The following CHD3 variants were observed in gnomAD, a reference collection of about 807,000 sequenced individuals.
CHD3 encodes chromodomain helicase DNA binding protein 3, also known as ATP-dependent chromatin remodeler CHD3.
A neutral mutation model predicts 248.9 loss-of-function variants in CHD3; 52 were observed. That is an observed-to-expected ratio of 0.21 (90% CI 0.17 to 0.26). The LOEUF (loss-of-function observed/expected upper bound fraction) is 0.26. Among genes scored for constraint, CHD3 ranks in the 10% least tolerant of loss-of-function variants. CHD3 has a pLI of 1.00. For synonymous variants in CHD3, 985 were observed against 985.2 expected (o/e 1.00, Z 0.00); for missense variants, 1,482 against 2,605.8 (o/e 0.57, Z 9.39).
chr17:7,903,922 C>T lies in CHD3; in HGVS notation c.3825C>T (p.Asp1275=), dbSNP rs61744840. 16,741 of 1,614,156 alleles carry T rather than the reference C, an allele frequency of 0.01. 115 individuals carry two copies. Among genetic ancestry groups the T allele is most frequent in the Non-Finnish European group, 0.012 (14,696 of 1,180,010 alleles). ...ACCAGGATGCAACTGAGGACACTGA[C>T]GTGCAGAACATGAATGAGTATCTCA... The part of the protein sequence containing the change: ...DRNQDATEDT[D]VQNMNEYLSS... The change falls in exon 24 of 40, where the codon GAC becomes GAT. Residue 1275 remains aspartate, a synonymous_variant. Coordinates refer to ENST00000330494, the MANE Select transcript of CHD3 (RefSeq NM_001005273.3). The surrounding 1 kb of genome is among the most constrained non-coding windows in gnomAD (Gnocchi z 6.8).
Position 7,908,558 on chromosome 17 carries a change from C to CAAA in CHD3, c.5261+58_5261+60dup. ...GAAGGAAAAGGTTCTCTCAAGCTGG[C>CAAA]AAAAAAAAAAAAGATGATTTCACAC... On this transcript the variant is annotated intron_variant, in intron 35 of 39. Coordinates refer to ENST00000330494, the MANE Select transcript of CHD3 (RefSeq NM_001005273.3). The surrounding 1 kb of genome is among the most constrained non-coding windows in gnomAD (Gnocchi z 5.8). The CAAA allele has an allele frequency of 6.2e-6, 8 of 1,294,570 alleles. No homozygotes were observed. Among genetic ancestry groups the CAAA allele is most frequent in the Non-Finnish European group, 8.5e-6 (8 of 937,506 alleles). The allele number at this position is 1,294,570 out of a possible 1,614,324, so 80.2% of individuals were successfully genotyped here.
Position 7,907,673 on chromosome 17 carries a change from A to AG in CHD3, c.5002dup (p.Glu1668GlyfsTer14). The AG allele has an allele frequency of 6.5e-7, 1 of 1,533,920 alleles. No individual in the cohort carries two copies. Among genetic ancestry groups the AG allele is most frequent in the Non-Finnish European group, 8.7e-7 (1 of 1,147,024 alleles). ...GGACAGGAACACAGGGAGAGGCCGG[A>AG]GGGGGAAACAGGGGATTTGGGCAAG... On this transcript the variant is annotated frameshift_variant, in exon 33 of 40. Coordinates refer to ENST00000330494, the MANE Select transcript of CHD3 (RefSeq NM_001005273.3). LOFTEE classifies it high-confidence loss of function. The surrounding 1 kb of genome is among the most constrained non-coding windows in gnomAD (Gnocchi z 4.3).
intron 19 of CHD3, 99 bp from the exon 20 acceptor site, chr17:7,901,145 T>G: frequency 5.9e-6 from 9 of 1,521,192 alleles, no homozygotes; most frequent in Non-Finnish European, 8.0e-6. Context: ...TGGGAACATG[T>G]GGAAGCTGGA....
rs542537223 is a variant in CHD3, at chr17:7,898,952, C to CT, written c.2152-58dup. On this transcript the variant is annotated intron_variant, in intron 13 of 39. Coordinates refer to ENST00000330494, the MANE Select transcript of CHD3 (RefSeq NM_001005273.3). ...GGTATCCATGCCAGGGAGGAAGAGA[C>CT]TAAGACTGGAGGAGCCGCCGACTAT... 1,027 of 1,463,070 alleles carry CT rather than the reference C, an allele frequency of 7.0e-4. 5 individuals are homozygous for CT. The highest frequency in any genetic ancestry group is 6.6e-5 in the Non-Finnish European group (69 of 1,045,788). The allele number at this position is 1,463,070 out of a possible 1,614,324, so 90.6% of individuals were successfully genotyped here. A position where few individuals can be genotyped will look rare whatever the true frequency, so the allele number is the denominator to read the frequency against.
In CHD3 at chr17:7,910,110, G is replaced by T. The variant is rs534049500; in HGVS notation, c.5591-318G>T. On this transcript the variant is annotated intron_variant, in intron 37 of 39. Coordinates refer to ENST00000330494, the MANE Select transcript of CHD3 (RefSeq NM_001005273.3). The surrounding 1 kb of genome is among the most constrained non-coding windows in gnomAD (Gnocchi z 4.7). ...GTATGAGATGTTCTGACAACTCCCC[G>T]CCCCCATGTCTTCCAATGTCCCCCC... is the stretch of plus-strand genomic sequence containing the variant. 17 of 202,022 alleles carry T rather than the reference G, an allele frequency of 8.4e-5. No individual in the cohort carries two copies. Among genetic ancestry groups the T allele is most frequent in the South Asian group, 3.7e-4 (4 of 10,952 alleles). 12.5% of individuals were successfully genotyped at this position (202,022 alleles called of 1,614,324 possible). A position where few individuals can be genotyped will look rare whatever the true frequency, so the allele number is the denominator to read the frequency against.
At position 7,908,532 on chromosome 17, in the gene CHD3, A is replaced by G; in HGVS notation, c.5261+22A>G. 1 of 1,601,916 alleles carries G rather than the reference A, an allele frequency of 6.2e-7. No homozygotes were observed. The highest frequency in any genetic ancestry group is 8.5e-7 in the Non-Finnish European group (1 of 1,169,948). ...TCCTGTATCCTTTGATACACATGCA[A>G]GAAGGAAAAGGTTCTCTCAAGCTGG... On this transcript the variant is annotated intron_variant, in intron 35 of 39. Coordinates refer to ENST00000330494, the MANE Select transcript of CHD3 (RefSeq NM_001005273.3). This position sits in a 1 kb window ranked among gnomAD's most constrained non-coding sequence, Gnocchi z 5.8.
chr17:7,885,153 C>T, upstream of CHD3: 6 of 981,044 alleles, frequency 6.1e-6, no homozygotes, highest in Non-Finnish European at 6.0e-6. Context: ...CGGGCGGGGG[C>T]GAGGCACCCA....
chr17:7,895,720 TTTC>T lies in CHD3; in HGVS notation c.1707+180_1707+182del, dbSNP rs1969547087. Among the ~76,000 whole-genome samples the T allele has an allele frequency of 6.6e-6, 1 of 152,234 alleles. No individual in the cohort carries two copies. Among genetic ancestry groups the T allele is most frequent in the Non-Finnish European group, 1.5e-5 (1 of 68,042 alleles). On this transcript the variant is annotated intron_variant, in intron 10 of 39. Coordinates refer to ENST00000330494, the MANE Select transcript of CHD3 (RefSeq NM_001005273.3). The surrounding 1 kb of genome is among the most constrained non-coding windows in gnomAD (Gnocchi z 4.9). ...GTGGTTCTTTTGGTCTACAGTCCTC[TTTC>T]TCTCAGTCTCCGTTAGCTTCCTTCC... is the stretch of plus-strand genomic sequence containing the variant.
chr17:7,886,146 G>A (rs1453531919), upstream of CHD3, among the ~76,000 whole-genome samples: 1 of 152,222 alleles, frequency 6.6e-6, no homozygotes, highest in East Asian at 1.9e-4. This position sits in a 1 kb window ranked among gnomAD's most constrained non-coding sequence, Gnocchi z 4.2. Context: ...ACGTTGGGGG[G>A]CGTGAACTGC....
rs1409595554 is a variant in CHD3, at chr17:7,899,449, C to T, written c.2450C>T (p.Thr817Met). 3.7e-6 allele frequency: 6 copies of T among 1,614,088 alleles called. No homozygotes were observed. Among genetic ancestry groups the T allele is most frequent in the Non-Finnish European group, 4.2e-6 (5 of 1,180,008 alleles). The change falls in exon 15 of 40, where the codon ACG (threonine) becomes ATG (methionine). Residue 817 changes from threonine (T) to methionine (M), a missense_variant. By Grantham distance (81) the Thr-to-Met change is moderately conservative (BLOSUM62 -1). Around this residue, in one of 20 missense-constraint regions of CHD3, gnomAD observed 49 missense variants for 93.8 expected, o/e 0.52. Transcript: ENST00000330494. The surrounding 1 kb of genome is among the most constrained non-coding windows in gnomAD (Gnocchi z 6.8). ...CCCAAATTCTATGTGGTGACATACA[C>T]GGGTGACAAGGACAGCCGGGCCATC... ...WAPKFYVVTYTGDKDSRAIIR... is the reference protein window; with the variant it reads ...WAPKFYVVTYMGDKDSRAIIR...
chr17:7,895,982 T>C lies in CHD3; in HGVS notation c.1707+440T>C, dbSNP rs1969585243. Among the ~76,000 whole-genome samples the C allele has an allele frequency of 6.6e-6, 1 of 151,932 alleles. No homozygotes were observed. The highest frequency in any genetic ancestry group is 2.1e-4 in the South Asian group (1 of 4,808). On this transcript the variant is annotated intron_variant, in intron 10 of 39. Transcript: ENST00000330494. The surrounding 1 kb of genome is among the most constrained non-coding windows in gnomAD (Gnocchi z 4.9). ...GGCTCACGCCTGTAATCCCAGTACT[T>C]TGGGAGGCCGAGGTGGGCGGATCAC...
At chr17:7,887,061 C>T (rs1389355244), upstream of CHD3, among the ~76,000 whole-genome samples, 1 of 152,086 alleles carries the variant, frequency 6.6e-6, no homozygotes, top group African/African-American at 2.4e-5. Flanking sequence ...CCAGATACAC[C>T]CCCTCAGATG....
In CHD3 at chr17:7,908,890, A is replaced by G; in HGVS notation, c.5394+61A>G. On this transcript the variant is annotated intron_variant, in intron 36 of 39. Coordinates refer to ENST00000330494, the MANE Select transcript of CHD3 (RefSeq NM_001005273.3). This position sits in a 1 kb window ranked among gnomAD's most constrained non-coding sequence, Gnocchi z 5.8. ...GGGCTTGGGTCAGAAGTGAGACCAG[A>G]TCTAGTTGGAACCTAGGGAAGGTTA... is the stretch of plus-strand genomic sequence containing the variant. 4 of 1,606,624 alleles carry G rather than the reference A, an allele frequency of 2.5e-6. 1 individual carries two copies. The South Asian group carries it at 4.4e-5, about 18-fold the overall frequency.
chr17:7,904,909 G>A lies in CHD3; in HGVS notation c.4073-191G>A, dbSNP rs570033110. ...GGGGCCCAGAGACTGAAGGTGGGCG[G>A]TGAATGGAGATGGTGTAGGATATGC... On this transcript the variant is annotated intron_variant, in intron 25 of 39. Transcript: ENST00000330494. This position sits in a 1 kb window ranked among gnomAD's most constrained non-coding sequence, Gnocchi z 4.4. Among the ~76,000 whole-genome samples the A allele has an allele frequency of 2.0e-5, 3 of 152,204 alleles. No homozygotes were observed. Among genetic ancestry groups the A allele is most frequent in the Admixed American group, 6.5e-5 (1 of 15,276 alleles).
Position 7,906,970 on chromosome 17 carries a change from C to T in CHD3, c.4605C>T (p.Thr1535=), listed in dbSNP as rs1157319860. Residue 1535 remains threonine (T), a synonymous_variant, in exon 30 of 40, where the codon ACC becomes ACT. Transcript: ENST00000330494. The surrounding 1 kb of genome is among the most constrained non-coding windows in gnomAD (Gnocchi z 5.0). The part of the protein sequence containing the change: ...SKRSSRASSP[T]KTSPTTPEAS... ...GCTCCTCCAGAGCCTCCTCTCCTAC[C>T]AAAACGTCTCCCACCACTCCTGAGG... 1 of 1,614,166 alleles carries T rather than the reference C, an allele frequency of 6.2e-7. No homozygotes were observed. Among genetic ancestry groups the T allele is most frequent in the Non-Finnish European group, 8.5e-7 (1 of 1,180,026 alleles).
chr17:7,911,800 G>A lies in CHD3; in HGVS notation c.*215G>A. 1 of 1,423,070 alleles carries A rather than the reference G, an allele frequency of 7.0e-7. No individual in the cohort carries two copies. Among genetic ancestry groups the A allele is most frequent in the Admixed American group, 2.4e-5 (1 of 42,102 alleles). 88.2% of individuals were successfully genotyped at this position (1,423,070 alleles called of 1,614,324 possible). ...CCTTTCCCACCAAGCCTTGAAGACT[G>A]TGCTGGTGAGAAGAAGTCTGGGTGG... is the stretch of plus-strand genomic sequence containing the variant. On this transcript the variant is annotated 3_prime_UTR_variant, in exon 40 of 40. Coordinates refer to ENST00000330494, the MANE Select transcript of CHD3 (RefSeq NM_001005273.3). The surrounding 1 kb of genome is among the most constrained non-coding windows in gnomAD (Gnocchi z 5.4).
chr17:7,905,986 TTAAG>T lies in CHD3; in HGVS notation c.4357_4358+2del, dbSNP rs1970877175. On this transcript the variant is annotated splice_donor_variant and coding_sequence_variant, in exon 28 of 40. Coordinates refer to ENST00000330494, the MANE Select transcript of CHD3 (RefSeq NM_001005273.3). LOFTEE classifies it high-confidence loss of function. The surrounding 1 kb of genome is among the most constrained non-coding windows in gnomAD (Gnocchi z 5.8). ...CTGAGGGGCAAGACTGAGAAGGAGT[TTAAG>T]TGAGTGTGGGTGATACAGGGCTGAG... 3 of 1,613,826 alleles carry T rather than the reference TTAAG, an allele frequency of 1.9e-6. No homozygotes were observed. The highest frequency in any genetic ancestry group is 1.7e-6 in the Non-Finnish European group (2 of 1,179,902).
rs1179251278 is a variant in CHD3, at chr17:7,903,563, CA to C, written c.3727+61del. 1 of 1,406,736 alleles carries C rather than the reference CA, an allele frequency of 7.1e-7. No homozygotes were observed. Among genetic ancestry groups the C allele is most frequent in the African/African-American group, 1.4e-5 (1 of 70,192 alleles). The allele number at this position is 1,406,736 out of a possible 1,614,324, so 87.1% of individuals were successfully genotyped here. A position where few individuals can be genotyped will look rare whatever the true frequency, so the allele number is the denominator to read the frequency against. ...CCCCTGCTCTCTCAGGAGTACTTAT[CA>C]GCCCCCTGGGGAGAGAAAAACAACT... is the stretch of plus-strand genomic sequence containing the variant. On this transcript the variant is annotated intron_variant, in intron 23 of 39. Coordinates refer to ENST00000330494, the MANE Select transcript of CHD3 (RefSeq NM_001005273.3). This position sits in a 1 kb window ranked among gnomAD's most constrained non-coding sequence, Gnocchi z 6.8.
Position 7,907,045 on chromosome 17 carries a change from A to G in CHD3, c.4666+14A>G. Reference sequence around the variant, plus strand: ...CCTCTAAACCTGGTAATCAGAAGTCAGGATGGTGGGAGAGACAGAAAGGGA... The same window carrying G: ...CCTCTAAACCTGGTAATCAGAAGTCGGGATGGTGGGAGAGACAGAAAGGGA... On this transcript the variant is annotated intron_variant, in intron 30 of 39. Transcript: ENST00000330494. The surrounding 1 kb of genome is among the most constrained non-coding windows in gnomAD (Gnocchi z 4.3). 1 of 1,614,080 alleles carries G rather than the reference A, an allele frequency of 6.2e-7. No individual in the cohort carries two copies. Among genetic ancestry groups the G allele is most frequent in the Non-Finnish European group, 8.5e-7 (1 of 1,179,928 alleles).
Sources: gnomAD v4.1 joint callset for allele counts (sites outside exome capture counted in the v4.1 genomes callset) on GRCh38, gnomAD v4.1.1 for gene constraint, gnomAD v4.1.1 regional missense constraint, Gnocchi (gnomAD v3.1) non-coding constraint, MANE v1.5 for transcripts, NCBI Gene and HGNC (gene_info 2026-07-23, HGNC 2026-07-21) for gene names.